IQGAP2: variants seen among roughly 807,000 people sequenced by gnomAD.
IQGAP2 encodes IQ motif containing GTPase activating protein 2.
IQGAP2 carries 173 observed loss-of-function variants against 201.3 expected under a neutral mutation model. The observed-to-expected ratio is 0.86, with a 90% CI of 0.76 to 0.98. The LOEUF is 0.98. Among genes scored for constraint, IQGAP2 ranks in the 50% least tolerant of loss-of-function variants. The probability of loss-of-function intolerance (pLI) is 0.00; values close to 1 mark genes in which losing one functional copy is unlikely to be tolerated. For missense variants in IQGAP2, 1,687 were observed against 1,864.8 expected (o/e 0.90, Z 1.76); for synonymous variants, 675 against 673.9 (o/e 1.00, Z -0.03).
intron 21 of IQGAP2, among the ~76,000 whole-genome samples, chr5:76,663,825 A>G (rs1047049501): frequency 1.3e-5 from 2 of 152,192 alleles, no homozygotes; most frequent in Admixed American, 6.5e-5. Context: ...GAGCCACCAC[A>G]CTTGGCCCGC....
intron 30 of IQGAP2, among the ~76,000 whole-genome samples, chr5:76,685,283 C>G (rs1745636939): frequency 6.6e-6 from 1 of 152,156 alleles, no homozygotes; most frequent in South Asian, 2.1e-4. Flanking sequence ...ATAAAGATAA[C>G]TGGAAATACA....
intron 21 of IQGAP2, among the ~76,000 whole-genome samples, chr5:76,659,063 G>A (rs1263186127): frequency 6.6e-6 from 1 of 151,998 alleles, no homozygotes; most frequent in East Asian, 1.9e-4. Flanking sequence ...TGTTGTTTGT[G>A]GTTATATATG....
At chr5:76,411,380 A>T (rs985417433) in intron 1 of IQGAP2, among the ~76,000 whole-genome samples, 1 of 152,070 alleles carries the variant, frequency 6.6e-6, no homozygotes, top group Non-Finnish European at 1.5e-5. Context: ...TTCTGCTATG[A>T]CTTTAAGTTT....
rs756926479 is a variant in IQGAP2 at position 76,590,582 on chromosome 5, T to A, written c.815T>A (p.Leu272Gln). 6.2e-7 allele frequency: 1 copy of A among 1,603,782 alleles called. No homozygotes were observed. The highest frequency in any genetic ancestry group is 8.5e-7 in the Non-Finnish European group (1 of 1,176,166). ...AKKKKEENARLKNSCISEEER... is the reference protein window; with the variant it reads ...AKKKKEENARQKNSCISEEER... ...AAGAAAAAAGAGGAAAATGCAAGAC[T>A]GAAGGTGCTTAGATTCTGAGTAATA... The change falls in exon 8 of 36, where the codon CTG (leucine) becomes CAG (glutamine). Residue 272 changes from leucine to glutamine, a missense_variant. By Grantham distance (113) the Leu-to-Gln change is moderately radical. Coordinates refer to ENST00000274364, the MANE Select transcript of IQGAP2 (RefSeq NM_006633.5).
rs527387323 is a variant in IQGAP2 at position 76,573,137 on chromosome 5, G to A, written c.381+2480G>A. 3.0e-3 allele frequency among the ~76,000 whole-genome samples: 452 copies of A among 152,228 alleles called. 2 individuals are homozygous for A. The highest frequency in any genetic ancestry group is 5.0e-3 in the Non-Finnish European group (339 of 68,000). On this transcript the variant is annotated intron_variant, in intron 4 of 35. Transcript: ENST00000274364. Reference sequence around the variant, plus strand: ...GATGATAAACCGATTAATAAAAAACGAATTTAAACAGAATTGTTTTGTATA... The same window carrying A: ...GATGATAAACCGATTAATAAAAAACAAATTTAAACAGAATTGTTTTGTATA...
intron 13 of IQGAP2, among the ~76,000 whole-genome samples, chr5:76,620,266 TGTCATCATTCATAGCTCA>T (rs1749508029): frequency 6.6e-6 from 1 of 152,200 alleles, no homozygotes; most frequent in South Asian, 2.1e-4. Flanking sequence ...TGGAGGCTAC[TGTCATCATTCATAGCTCA>T]GTGAGTTACT....
chr5:76,498,112 C>T (rs1374962723), intron 2 of IQGAP2, among the ~76,000 whole-genome samples: 1 of 152,164 alleles, frequency 6.6e-6, no homozygotes, highest in African/African-American at 2.4e-5. Flanking sequence ...ATAGTAAGAG[C>T]AAAAAGCCTG....
chr5:76,458,186 A>G (rs764608245), intron 1 of IQGAP2, among the ~76,000 whole-genome samples: 2 of 152,220 alleles, frequency 1.3e-5, no homozygotes, highest in African/African-American at 4.8e-5. Flanking sequence ...AGCTGTGGGC[A>G]GTCCCTTTCC....
At chr5:76,548,104 A>G (rs1465430192) in intron 2 of IQGAP2, among the ~76,000 whole-genome samples, 1 of 152,220 alleles carries the variant, frequency 6.6e-6, no homozygotes, top group Non-Finnish European at 1.5e-5. Flanking sequence ...GTGATTTCAC[A>G]TTTAGCATCT....
chr5:76,606,531 A>G (rs140278797), intron 12 of IQGAP2: 93 of 278,910 alleles, frequency 3.3e-4, no homozygotes, highest in African/African-American at 1.8e-3. Context: ...AATAAAATAC[A>G]CAAGTAAAAG....
chr5:76,623,422 C>A (rs2150368029), intron 13 of IQGAP2: 2 of 609,968 alleles, frequency 3.3e-6, no homozygotes, highest in East Asian at 5.6e-5. Flanking sequence ...CCACTCGATG[C>A]TTCAGTAAGC....
At chr5:76,493,609 A>G (rs13185509) in intron 2 of IQGAP2, among the ~76,000 whole-genome samples, 144,533 of 152,168 alleles carry the variant, frequency 0.95, 69,015 homozygotes, top group Non-Finnish European at 1. Context: ...CCCCCACCCC[A>G]TAGGTGGCTC....
Position 76,683,116 on chromosome 5 carries a change from T to A in IQGAP2, c.3662T>A (p.Leu1221His). 1.2e-6 allele frequency: 2 copies of A among 1,600,934 alleles called. No homozygotes were observed. The highest frequency in any genetic ancestry group is 1.7e-6 in the Non-Finnish European group (2 of 1,170,708). ...GTGTGTGTTGCTTTCTACATAAAGC[T>A]CCTGTTGGAACACCAGGATGCAATT... Reference protein sequence around the residue: ...SIEEIISTHSLLLEHQDAIAP... With the variant: ...SIEEIISTHSHLLEHQDAIAP... The change falls in exon 29 of 36, where the codon CTC becomes CAC. Residue 1221 changes from leucine to histidine, a missense_variant and splice_region_variant. Transcript: ENST00000274364.
intron 1 of IQGAP2, among the ~76,000 whole-genome samples, chr5:76,424,738 C>T (rs1751905582): frequency 1.3e-5 from 2 of 152,260 alleles, no homozygotes. Context: ...ACATGGCCCA[C>T]TGGCCCAGAG....
chr5:76,403,653 C>A lies in IQGAP2; in HGVS notation c.46+62C>A. On this transcript the variant is annotated intron_variant, in intron 1 of 35. Coordinates refer to ENST00000274364, the MANE Select transcript of IQGAP2 (RefSeq NM_006633.5). This position sits in a 1 kb window ranked among gnomAD's most constrained non-coding sequence, Gnocchi z 4.8. ...TGGGGAGCTCCCTCCCCGAGGACGG[C>A]GTTGGAGAAGCCGAGGGAGCCGGTT... The A allele has an allele frequency of 7.4e-7, 1 of 1,357,060 alleles. No individual in the cohort carries two copies. The highest frequency in any genetic ancestry group is 9.7e-7 in the Non-Finnish European group (1 of 1,030,388). The allele number at this position is 1,357,060 out of a possible 1,614,324, so 84.1% of individuals were successfully genotyped here. A position where few individuals can be genotyped will look rare whatever the true frequency, so the allele number is the denominator to read the frequency against.
intron 17 of IQGAP2, among the ~76,000 whole-genome samples, chr5:76,645,125 T>C (rs1751929169): frequency 1.3e-5 from 2 of 152,174 alleles, no homozygotes; most frequent in Admixed American, 6.5e-5. Flanking sequence ...CTGTGTTAGT[T>C]TGCTGAGAAT....
chr5:76,675,264 A>C (rs574995088), intron 27 of IQGAP2, among the ~76,000 whole-genome samples: 5 of 152,164 alleles, frequency 3.3e-5, no homozygotes, highest in African/African-American at 1.2e-4. Flanking sequence ...TTTCACATAC[A>C]TGGGTTCCAC....
intron 1 of IQGAP2, among the ~76,000 whole-genome samples, chr5:76,459,752 C>T (rs1267497482): frequency 1.3e-5 from 2 of 152,116 alleles, no homozygotes; most frequent in Non-Finnish European, 2.9e-5. Flanking sequence ...GATTCTCCTG[C>T]CTGAGCCTCC....
intron 5 of IQGAP2, among the ~76,000 whole-genome samples, chr5:76,576,007 A>T (rs1745446959): frequency 6.6e-6 from 1 of 152,222 alleles, no homozygotes; most frequent in South Asian, 2.1e-4. Flanking sequence ...CCAGAAAATG[A>T]TTGAAAACCA....
Sources: allele counts gnomAD v4.1 joint callset (sites outside exome capture counted in the v4.1 genomes callset), GRCh38; gene constraint gnomAD v4.1.1; non-coding constraint Gnocchi (gnomAD v3.1); transcripts MANE v1.5; gene names NCBI Gene and HGNC (gene_info 2026-07-23, HGNC 2026-07-21).